The following CNGB1 variants were observed in gnomAD, a reference collection of about 807,000 sequenced individuals.
CNGB1 encodes cyclic nucleotide-gated channel beta-1.
A neutral mutation model predicts 151.7 loss-of-function variants in CNGB1; 126 were observed. The observed-to-expected ratio is 0.83, with a 90% CI of 0.72 to 0.96. CNGB1 has a LOEUF of 0.96. CNGB1 is among the 40% of genes least tolerant of loss of function. CNGB1 has a pLI of 0.00. For synonymous variants in CNGB1, 623 were observed against 635.1 expected (o/e 0.98, Z 0.29); for missense variants, 1,698 against 1,627.0 (o/e 1.04, Z -0.75).
intron 14 of CNGB1, among the ~76,000 whole-genome samples, chr16:57,942,840 G>GCAA (rs1408420321): frequency 4.3e-4 from 64 of 148,840 alleles, no homozygotes; most frequent in African/African-American, 1.5e-3. Flanking sequence ...TCCAGCCTGG[G>GCAA]CAACAGAGCA....
intron 12 of CNGB1, among the ~76,000 whole-genome samples, chr16:57,956,387 C>A (rs909647852): frequency 6.6e-6 from 1 of 152,180 alleles, no homozygotes; most frequent in Non-Finnish European, 1.5e-5. Context: ...CTCCTCATGT[C>A]ATCGCCATGA....
chr16:57,887,252 AT>A (rs1454747890), intron 32 of CNGB1, among the ~76,000 whole-genome samples: 1 of 152,196 alleles, frequency 6.6e-6, no homozygotes, highest in Middle Eastern at 3.4e-3. Context: ...GGGGCCGGAC[AT>A]TTGCTTCTCA....
intron 16 of CNGB1, among the ~76,000 whole-genome samples, chr16:57,935,624 A>G (rs1317638110): frequency 6.6e-6 from 1 of 151,882 alleles, no homozygotes; most frequent in Non-Finnish European, 1.5e-5. Flanking sequence ...CTCCAGCCCG[A>G]GCAACAGAGC....
Position 57,884,331 on chromosome 16 carries a change from G to A in CNGB1, c.3589C>T (p.Pro1197Ser), listed in dbSNP as rs561289103. 28 of 1,611,174 alleles carry A rather than the reference G, an allele frequency of 1.7e-5. No individual in the cohort carries two copies. In the Admixed American group the frequency reaches 4.5e-4, roughly 26 times the overall value. Residue 1197 changes from proline (P) to serine (S), a missense_variant, in exon 33 of 33, where the codon CCG becomes TCG. Physicochemically the swap from Pro to Ser is moderately conservative, Grantham distance 74. Transcript: ENST00000251102. ...RTPPEPPGSP[P>S]SSPPPASLGR... ...AGGGAGGCAGGCGGTGGAGAGCTCG[G>A]TGGAGACCCCGGGGGCTCGGGGGGC... is the stretch of plus-strand genomic sequence containing the variant.
intron 26 of CNGB1, among the ~76,000 whole-genome samples, chr16:57,904,307 T>G (rs1422394101): frequency 2.6e-5 from 4 of 152,064 alleles, no homozygotes; most frequent in Non-Finnish European, 4.4e-5. Flanking sequence ...GGCGGCCATG[T>G]TGTCTGACTC....
intron 14 of CNGB1, among the ~76,000 whole-genome samples, chr16:57,947,604 C>T (rs1353480214): frequency 6.6e-6 from 1 of 152,144 alleles, no homozygotes; most frequent in Non-Finnish European, 1.5e-5. Flanking sequence ...TTGTGAGCTC[C>T]CCGTCATTGG....
intron 16 of CNGB1, among the ~76,000 whole-genome samples, chr16:57,936,700 A>G (rs1366415688): frequency 6.6e-6 from 1 of 152,080 alleles, no homozygotes; most frequent in Non-Finnish European, 1.5e-5. Context: ...GCTGAGGCAC[A>G]AGAATTGCTG....
intron 32 of CNGB1, among the ~76,000 whole-genome samples, chr16:57,886,332 C>T (rs1042481197): frequency 1.3e-5 from 2 of 152,190 alleles, no homozygotes; most frequent in Non-Finnish European, 2.9e-5. Context: ...GAGCCACAAG[C>T]CCACCCCAGC....
chr16:57,919,008 C>T (rs1286879464), intron 20 of CNGB1, 91 bp downstream of exon 20: 2 of 1,591,130 alleles, frequency 1.3e-6, no homozygotes, highest in African/African-American at 1.3e-5. Flanking sequence ...CCCATCCCAC[C>T]TCTTGAATCC....
At chr16:57,963,260 C>T (rs1212469539) in intron 4 of CNGB1, among the ~76,000 whole-genome samples, 196 bp from the exon 5 acceptor site, 4 of 152,212 alleles carry the variant, frequency 2.6e-5, no homozygotes, top group African/African-American at 9.6e-5. Context: ...TGGCTTGAAT[C>T]CTAAACCACT....
intron 14 of CNGB1, among the ~76,000 whole-genome samples, chr16:57,944,966 A>AG (rs1480485134): frequency 6.6e-6 from 1 of 151,388 alleles, no homozygotes; most frequent in Non-Finnish European, 1.5e-5. Context: ...AAAAAAAAAA[A>AG]AAAAAAACAA....
At chr16:57,955,453 T>A in intron 12 of CNGB1, 1 of 1,170,544 alleles carries the variant, frequency 8.5e-7, no homozygotes. Context: ...GATGAGTGAA[T>A]GAATGGGGAA....
chr16:57,937,624 T>C (rs1961548111), intron 16 of CNGB1, among the ~76,000 whole-genome samples: 1 of 152,172 alleles, frequency 6.6e-6, no homozygotes, highest in Non-Finnish European at 1.5e-5. Context: ...CCAAAAATAT[T>C]AGAATCAAAG....
intron 16 of CNGB1, among the ~76,000 whole-genome samples, chr16:57,936,395 G>T (rs577190174): frequency 6.6e-6 from 1 of 152,038 alleles, no homozygotes; most frequent in African/African-American, 2.4e-5. Flanking sequence ...CAAGCCTCTC[G>T]GCCTAGAGAT....
intron 31 of CNGB1, 105 bp downstream of exon 31, chr16:57,897,292 A>C: frequency 8.0e-7 from 1 of 1,245,430 alleles, no homozygotes; most frequent in Non-Finnish European, 1.1e-6. Flanking sequence ...ACAGAGCAAG[A>C]TGTCATCTCA....
intron 22 of CNGB1, among the ~76,000 whole-genome samples, chr16:57,915,581 G>A (rs1435723521): frequency 2.0e-5 from 3 of 152,216 alleles, no homozygotes; most frequent in Non-Finnish European, 4.4e-5. Flanking sequence ...ACAGTAAGGG[G>A]CGGGAGTGGT....
At chr16:57,888,183 G>A (rs771929479) in intron 31 of CNGB1, 109 bp from the exon 32 acceptor site, 144 of 1,187,306 alleles carry the variant, frequency 1.2e-4, no homozygotes, top group Non-Finnish European at 1.7e-4. Flanking sequence ...GGTGATTTTG[G>A]CTGGTGATTG....
rs777000605 is a variant in CNGB1, at chr16:57,884,209, G to T, written c.3711C>A (p.Ile1237=). ...MSPGPEPGEQ[I]LSVKMPEERE... Reference sequence around the variant, plus strand: ...TTTCCTCCGGCATCTTCACCGACAGGATCTGCTCTCCCGGCTCCGGGCCCG... The same window carrying T: ...TTTCCTCCGGCATCTTCACCGACAGTATCTGCTCTCCCGGCTCCGGGCCCG... The change falls in exon 33 of 33, where the codon ATC becomes ATA. Residue 1237 remains isoleucine (I), a synonymous_variant. Transcript: ENST00000251102. 7 of 1,614,008 alleles carry T rather than the reference G, an allele frequency of 4.3e-6. No homozygotes were observed. The highest frequency in any genetic ancestry group is 5.1e-6 in the Non-Finnish European group (6 of 1,179,916).
At chr16:57,938,694 A>G (rs559966482) in intron 16 of CNGB1, among the ~76,000 whole-genome samples, 1 of 152,272 alleles carries the variant, frequency 6.6e-6, no homozygotes, top group Non-Finnish European at 1.5e-5. Context: ...CTCATCTGTA[A>G]AATGGTCTGT....
Sources: gnomAD v4.1 joint callset for allele counts (sites outside exome capture counted in the v4.1 genomes callset) on GRCh38, gnomAD v4.1.1 for gene constraint, MANE v1.5 for transcripts, NCBI Gene and HGNC (gene_info 2026-07-23, HGNC 2026-07-21) for gene names.